The following SHROOM2 variants were observed in gnomAD, a reference collection of about 807,000 sequenced individuals.
SHROOM2 encodes shroom family member 2, also known as protein Shroom2.
SHROOM2 carries 33 observed loss-of-function variants against 75.9 expected under a neutral mutation model. That is an observed-to-expected ratio of 0.43 (90% CI 0.33 to 0.58). The LOEUF is 0.58. Among genes scored for constraint, SHROOM2 ranks in the 20% least tolerant of loss-of-function variants. The probability of loss-of-function intolerance (pLI) is 0.04; values close to 1 mark genes in which losing one functional copy is unlikely to be tolerated. For synonymous variants in SHROOM2, 655 were observed against 663.6 expected, an observed-to-expected ratio of 0.99 and a Z score of 0.20; for missense variants, 1,434 against 1,461.2, an observed-to-expected ratio of 0.98 and a Z score of 0.30.
rs2084829360 is a variant in SHROOM2 at position 9,947,204 on chromosome X, A to G, written c.*267A>G. 2 of 368,647 alleles carry G rather than the reference A, an allele frequency of 5.4e-6. No individual in the cohort carries two copies. The highest frequency in any genetic ancestry group is 5.2e-5 in the Admixed American group (1 of 19,229). 30.4% of individuals were successfully genotyped at this position (368,647 alleles called of 1,213,427 possible). On this transcript the variant is annotated 3_prime_UTR_variant, in exon 10 of 10. Transcript: ENST00000380913. ...TCTGCTGGATGTGAGTTTCCACTGC[A>G]TGGGCTGTGGGCTGGGCCTGTGGTG... is the stretch of plus-strand genomic sequence containing the variant.
At chrX:9,875,110 A>AAAAAAAAAAAAAAAAAAG (rs2084192753) in intron 2 of SHROOM2, among the ~76,000 whole-genome samples, 2 of 93,128 alleles carry the variant, frequency 2.1e-5, no homozygotes, top group Non-Finnish European at 2.1e-5. Context: ...AAAAAAAAAA[A>AAAAAAAAAAAAAAAAAAG]GGGGAGGAAG....
At chrX:9,818,314 C>G in intron 1 of SHROOM2, 1 of 236,272 alleles carries the variant, frequency 4.2e-6, no homozygotes, top group South Asian at 6.6e-5. Flanking sequence ...TGGCAGTCTT[C>G]TAATACACCA....
intron 1 of SHROOM2, among the ~76,000 whole-genome samples, chrX:9,849,984 G>A (rs979165075): frequency 1.8e-5 from 2 of 112,166 alleles, no homozygotes; most frequent in Admixed American, 9.5e-5. Flanking sequence ...TTGGTGGGGA[G>A]GATTGGGGAC....
intron 1 of SHROOM2, among the ~76,000 whole-genome samples, chrX:9,858,001 G>A (rs1212610038): frequency 1.8e-5 from 2 of 111,386 alleles, no homozygotes; most frequent in East Asian, 2.8e-4. Flanking sequence ...CTCTGCGAGC[G>A]CTGGCGTGTG....
At chrX:9,921,447 CCT>C (rs2084543974) in intron 5 of SHROOM2, among the ~76,000 whole-genome samples, 1 of 102,511 alleles carries the variant, frequency 9.8e-6, no homozygotes, top group South Asian at 4.3e-4. Context: ...TTTCTCCCAC[CCT>C]GTCAACCCTC....
rs565436265 is a variant in SHROOM2, at chrX:9,918,261, A to G, written c.2892-13914A>G. Among the ~76,000 whole-genome samples, 26 of 112,376 alleles carry G rather than the reference A, an allele frequency of 2.3e-4. No individual in the cohort carries two copies. The East Asian group carries it at 6.4e-3, about 28-fold the overall frequency. On this transcript the variant is annotated intron_variant, in intron 5 of 9. Transcript: ENST00000380913. ...TTGAAGGAGTTTGTCCTCTCTTAAT[A>G]GTGAAGATAATATAGAAATTGTCCT...
At position 9,898,228 on chromosome X, in the gene SHROOM2, C is replaced by T. The variant is rs1285812197; in HGVS notation, c.2829C>T (p.Pro943=). Residue 943 remains proline (P), a synonymous_variant, in exon 5 of 10, where the codon CCC becomes CCT. Transcript: ENST00000380913. The stretch of plus-strand genomic sequence containing the variant: ...AACTGCGAAGGCAGGCAGGGGACCC[C>T]GGCGAGCCCAGAGAAGAGCTTCCCT... ...SVELRRQAGD[P]GEPREELPSA... is the part of the protein sequence containing the mutation. 4 of 1,186,752 alleles carry T rather than the reference C, an allele frequency of 3.4e-6. No homozygotes were observed. In the Admixed American group the frequency reaches 7.1e-5, roughly 21 times the overall value.
intron 1 of SHROOM2, among the ~76,000 whole-genome samples, chrX:9,799,154 A>ATTTTTTTTT (rs1569135161): frequency 3.4e-5 from 2 of 59,400 alleles, no homozygotes; most frequent in African/African-American, 2.1e-4. Context: ...GGAGAGTTTA[A>ATTTTTTTTT]TTCTTTTTTT....
intron 2 of SHROOM2, among the ~76,000 whole-genome samples, chrX:9,887,828 G>A (rs1335007337): frequency 1.8e-5 from 2 of 113,061 alleles, no homozygotes; most frequent in African/African-American, 6.4e-5. Context: ...CAGCATTCCT[G>A]CCATGCAGCT....
Position 9,939,343 on chromosome X carries a change from G to T in SHROOM2, c.4288G>T (p.Asp1430Tyr), listed in dbSNP as rs2084747922. ...CGAAGAGGATTCGGGAAGCGACTTG[G>T]ACCACGACCTGTCGGTGAAGAAGGT... is the stretch of plus-strand genomic sequence containing the variant. Reference protein sequence around the residue: ...EHEEDSGSDLDHDLSVKKQEL... With the variant: ...EHEEDSGSDLYHDLSVKKQEL... The change falls in exon 8 of 10, where the codon GAC becomes TAC. Residue 1430 changes from aspartate to tyrosine, a missense_variant. Transcript: ENST00000380913. 8.3e-7 allele frequency: 1 copy of T among 1,206,076 alleles called. No individual in the cohort carries two copies. Among genetic ancestry groups the T allele is most frequent in the Admixed American group, 2.2e-5 (1 of 45,207 alleles).
At chrX:9,904,027 G>T (rs1241568225) in intron 5 of SHROOM2, among the ~76,000 whole-genome samples, 1 of 111,316 alleles carries the variant, frequency 9.0e-6, no homozygotes, top group Non-Finnish European at 1.9e-5. Flanking sequence ...CAGGATTTCG[G>T]CTAAGGAGGA....
intron 5 of SHROOM2, 105 bp downstream of exon 5, chrX:9,898,395 A>C: frequency 3.2e-6 from 2 of 617,675 alleles, no homozygotes; most frequent in South Asian, 6.0e-5. Flanking sequence ...GGCTTTTGCC[A>C]AACCCAAAGC....
At chrX:9,816,827 C>T (rs931547907) in intron 1 of SHROOM2, among the ~76,000 whole-genome samples, 24 of 111,237 alleles carry the variant, frequency 2.2e-4, no homozygotes, top group African/African-American at 7.5e-4. Context: ...AAAACCTTCA[C>T]CTCTTCATCA....
chrX:9,938,265 A>G (rs1426516496), intron 7 of SHROOM2, among the ~76,000 whole-genome samples: 1 of 112,605 alleles, frequency 8.9e-6, no homozygotes, highest in Non-Finnish European at 1.9e-5. Context: ...AATTTATTAT[A>G]ATTTGGCCAG....
At chrX:9,890,594 AC>A (rs2084284597) in intron 2 of SHROOM2, among the ~76,000 whole-genome samples, 1 of 110,642 alleles carries the variant, frequency 9.0e-6, no homozygotes. Flanking sequence ...CATTCCCTGA[AC>A]CCCCTGCACT....
rs185161454 is a variant in SHROOM2, at chrX:9,941,787, T to C, written c.4311+2421T>C. Among the ~76,000 whole-genome samples the C allele has an allele frequency of 3.6e-3, 387 of 108,631 alleles. 2 individuals carry two copies. Among genetic ancestry groups the C allele is most frequent in the Middle Eastern group, 0.023 (5 of 214 alleles). The allele number at this position is 108,631 out of a possible 115,157, so 94.3% of individuals were successfully genotyped here. ...CAGATCGAGGCCATCCTGGCTAACA[T>C]GGTGAAACCCCGTCTCTACTAAAAA... On this transcript the variant is annotated intron_variant, in intron 8 of 9. Coordinates refer to ENST00000380913, the MANE Select transcript of SHROOM2 (RefSeq NM_001649.4).
At chrX:9,934,853 G>A (rs1038015925) in intron 6 of SHROOM2, among the ~76,000 whole-genome samples, 1 of 111,075 alleles carries the variant, frequency 9.0e-6, no homozygotes. Context: ...GCAGTGGTGC[G>A]ATCTTGACTT....
chrX:9,878,569 A>G (rs2084213727), intron 2 of SHROOM2, among the ~76,000 whole-genome samples: 2 of 111,898 alleles, frequency 1.8e-5, no homozygotes, highest in South Asian at 7.4e-4. Context: ...CCAAGCCCAC[A>G]TTGTGCTGTG....
At chrX:9,836,333 G>A (rs748041093) in intron 1 of SHROOM2, among the ~76,000 whole-genome samples, 1 of 111,688 alleles carries the variant, frequency 9.0e-6, no homozygotes, top group Non-Finnish European at 1.9e-5. Context: ...CTCAGAGATT[G>A]CTGGACACAT....
Sources: gnomAD v4.1 joint callset for allele counts (sites outside exome capture counted in the v4.1 genomes callset) on GRCh38, gnomAD v4.1.1 for gene constraint, MANE v1.5 for transcripts, NCBI Gene and HGNC (gene_info 2026-07-23, HGNC 2026-07-21) for gene names.